SPTLC3: variants seen among roughly 807,000 people sequenced by gnomAD.
SPTLC3 encodes serine palmitoyltransferase long chain base subunit 3, also known as serine palmitoyltransferase 3.
SPTLC3 carries 36 observed loss-of-function variants against 59.3 expected under a neutral mutation model. That is an observed-to-expected ratio of 0.61 (90% CI 0.47 to 0.80). The LOEUF is 0.80. Among genes scored for constraint, SPTLC3 ranks in the 30% least tolerant of loss-of-function variants. The pLI is 0.00. For missense variants in SPTLC3, 625 were observed against 685.1 expected (o/e 0.91, Z 0.98); for synonymous variants, 257 against 240.8 (o/e 1.07, Z -0.62).
At chr20:13,153,574 C>G (rs1022271415) in intron 9 of SPTLC3, among the ~76,000 whole-genome samples, 10 of 152,002 alleles carry the variant, frequency 6.6e-5, no homozygotes, top group Non-Finnish European at 2.9e-5. Flanking sequence ...ATTTAATGAG[C>G]CAATTCAGCT....
At chr20:13,123,426 A>G (rs958160308) in intron 8 of SPTLC3, among the ~76,000 whole-genome samples, 27 of 152,066 alleles carry the variant, frequency 1.8e-4, no homozygotes, top group African/African-American at 5.8e-4. Context: ...CACCCATTTC[A>G]TCCTCATAAA....
At chr20:13,156,098 T>G (rs1184823959) in intron 10 of SPTLC3, among the ~76,000 whole-genome samples, 1 of 152,158 alleles carries the variant, frequency 6.6e-6, no homozygotes, top group African/African-American at 2.4e-5. Context: ...ATACATTTAT[T>G]CAAAATGATT....
intron 8 of SPTLC3, among the ~76,000 whole-genome samples, chr20:13,126,258 G>A (rs74571351): frequency 0.018 from 2,773 of 152,246 alleles, 53 homozygotes; most frequent in South Asian, 0.03. Flanking sequence ...TTTGGGCACT[G>A]AACACAAAGT....
chr20:13,157,819 G>C (rs774860831), intron 10 of SPTLC3, among the ~76,000 whole-genome samples: 1 of 152,190 alleles, frequency 6.6e-6, no homozygotes, highest in Non-Finnish European at 1.5e-5. Flanking sequence ...TTTATATGTA[G>C]AGACATTTTT....
At chr20:13,114,812 C>T (rs545137600) in intron 7 of SPTLC3, among the ~76,000 whole-genome samples, 10 of 152,220 alleles carry the variant, frequency 6.6e-5, no homozygotes, top group East Asian at 3.9e-4. Flanking sequence ...GTTAGCTAGC[C>T]GGTGGTTTAA....
At chr20:13,081,742 C>T (rs1371803268) in intron 4 of SPTLC3, among the ~76,000 whole-genome samples, 1 of 152,036 alleles carries the variant, frequency 6.6e-6, no homozygotes, top group Non-Finnish European at 1.5e-5. Flanking sequence ...TAATAGACAC[C>T]ACAAAACCTT....
chr20:13,095,979 A>AG (rs1457126769), intron 6 of SPTLC3, among the ~76,000 whole-genome samples: 10 of 152,314 alleles, frequency 6.6e-5, no homozygotes, highest in African/African-American at 2.4e-4. Context: ...CTTGGAATCT[A>AG]GTAGGAAAGG....
At chr20:13,041,399 T>G (rs1317812016) in intron 1 of SPTLC3, among the ~76,000 whole-genome samples, 1 of 152,284 alleles carries the variant, frequency 6.6e-6, no homozygotes, top group East Asian at 1.9e-4. Flanking sequence ...TCTAGTAAGT[T>G]TTTGTTTCTG....
At chr20:13,130,961 G>C (rs2038106120) in intron 9 of SPTLC3, among the ~76,000 whole-genome samples, 2 of 152,160 alleles carry the variant, frequency 1.3e-5, no homozygotes, top group African/African-American at 4.8e-5. Flanking sequence ...TATCTCATAG[G>C]ACTGGGAGCT....
At chr20:13,112,213 C>A (rs1394483895) in intron 7 of SPTLC3, among the ~76,000 whole-genome samples, 1 of 152,258 alleles carries the variant, frequency 6.6e-6, no homozygotes, top group African/African-American at 2.4e-5. Context: ...GAGGCCACTT[C>A]ATTCAGCTGA....
At chr20:13,050,514 G>A (rs999582353) in intron 2 of SPTLC3, 6 of 152,126 alleles carry the variant, frequency 3.9e-5, no homozygotes, top group African/African-American at 1.4e-4. Context: ...ACATATTTGG[G>A]GGAATAATTG....
Position 13,037,202 on chromosome 20 carries a change from T to A in SPTLC3, c.118-11743T>A, listed in dbSNP as rs553142136. On this transcript the variant is annotated intron_variant, in intron 1 of 11. Coordinates refer to ENST00000399002, the MANE Select transcript of SPTLC3 (RefSeq NM_018327.4). ...AAAGCCTTTCTCAGAAGTCACCCAATGGACGTTCCCTCACTTCCCATTGGC... is the reference window on the plus strand; with the variant it reads ...AAAGCCTTTCTCAGAAGTCACCCAAAGGACGTTCCCTCACTTCCCATTGGC... Among the ~76,000 whole-genome samples the A allele has an allele frequency of 2.6e-5, 4 of 152,292 alleles. No individual in the cohort carries two copies. In the South Asian group the frequency reaches 8.3e-4, roughly 32 times the overall value.
intron 9 of SPTLC3, among the ~76,000 whole-genome samples, chr20:13,138,503 AT>A (rs2038304709): frequency 1.3e-5 from 2 of 152,120 alleles, no homozygotes; most frequent in African/African-American, 4.8e-5. Context: ...AGCCCTCCAA[AT>A]AGGTAGTGAT....
intron 1 of SPTLC3, among the ~76,000 whole-genome samples, chr20:13,009,841 G>C (rs1414384223): frequency 6.6e-6 from 1 of 152,162 alleles, no homozygotes; most frequent in Non-Finnish European, 1.5e-5. Context: ...ATCACTGTTT[G>C]AAAGGCGAGT....
intron 11 of SPTLC3, among the ~76,000 whole-genome samples, chr20:13,162,093 A>C (rs1283574464): frequency 6.6e-6 from 1 of 152,244 alleles, no homozygotes; most frequent in Non-Finnish European, 1.5e-5. Flanking sequence ...GTTGGTGTTA[A>C]GAAAAGACAG....
At position 13,160,016 on chromosome 20, in the gene SPTLC3, C is replaced by A; in HGVS notation, c.1429C>A (p.His477Asn). 6.2e-7 allele frequency: 1 copy of A among 1,612,674 alleles called. No homozygotes were observed. The highest frequency in any genetic ancestry group is 1.1e-5 in the South Asian group (1 of 90,936). Residue 477 changes from histidine (H) to asparagine (N), a missense_variant, in exon 11 of 12, where the codon CAT (histidine) becomes AAT (asparagine). By Grantham distance (68) the His-to-Asn change is moderately conservative (BLOSUM62 1). Transcript: ENST00000399002. ...MPGKVAAFAR[H>N]MLEKKIGVVV... ...CTTTTCCTTAAGGGCTTTTGCAAGG[C>A]ATATGCTAGAGAAAAAAATTGGAGT...
At chr20:13,128,155 C>T (rs965280125) in intron 9 of SPTLC3, among the ~76,000 whole-genome samples, 6 of 152,208 alleles carry the variant, frequency 3.9e-5, no homozygotes, top group Non-Finnish European at 8.8e-5. Context: ...AGACAAGTAT[C>T]AGTAAGCATT....
intron 9 of SPTLC3, among the ~76,000 whole-genome samples, chr20:13,130,133 T>C (rs113557310): frequency 6.6e-6 from 1 of 152,246 alleles, no homozygotes; most frequent in African/African-American, 2.4e-5. Flanking sequence ...GTGAAAGTCA[T>C]ACAGTGAATG....
intron 9 of SPTLC3, among the ~76,000 whole-genome samples, chr20:13,143,228 G>A (rs1298862385): frequency 2.0e-5 from 3 of 152,194 alleles, no homozygotes; most frequent in African/African-American, 7.2e-5. Context: ...GGTCAGTTAT[G>A]TAGACAAGAG....
Sources: allele counts gnomAD v4.1 joint callset (sites outside exome capture counted in the v4.1 genomes callset), GRCh38; gene constraint gnomAD v4.1.1; transcripts MANE v1.5; gene names NCBI Gene and HGNC (gene_info 2026-07-23, HGNC 2026-07-21).